ARHGAP24: variants seen among roughly 807,000 people sequenced by gnomAD.
ARHGAP24 encodes Rho GTPase activating protein 24.
A neutral mutation model predicts 76.4 loss-of-function variants in ARHGAP24; 50 were observed. The observed-to-expected ratio is 0.65, with a 90% CI of 0.52 to 0.83. The LOEUF is 0.83. Among genes scored for constraint, ARHGAP24 ranks in the 40% least tolerant of loss-of-function variants. ARHGAP24 has a pLI of 0.00. For missense variants in ARHGAP24, 930 were observed against 914.2 expected (o/e 1.02, Z -0.22); for synonymous variants, 345 against 323.3 (o/e 1.07, Z -0.72).
intron 1 of ARHGAP24, among the ~76,000 whole-genome samples, chr4:85,557,120 C>CT (rs1726410847): frequency 6.6e-6 from 1 of 152,186 alleles, no homozygotes; most frequent in Non-Finnish European, 1.5e-5. Context: ...GAGCTCTGTC[C>CT]CAGGGAATTG....
intron 2 of ARHGAP24, among the ~76,000 whole-genome samples, chr4:85,594,221 A>G (rs1048589886): frequency 1.3e-5 from 2 of 151,966 alleles, no homozygotes; most frequent in African/African-American, 4.8e-5. Context: ...TATTGTAAAT[A>G]GGCTTAATTT....
At position 85,995,259 on chromosome 4, in the gene ARHGAP24, C is replaced by T; in HGVS notation, c.1605C>T (p.Val535=). The change falls in exon 9 of 10, where the codon GTC becomes GTT. Residue 535 remains valine, a synonymous_variant. Coordinates refer to ENST00000395184, the MANE Select transcript of ARHGAP24 (RefSeq NM_001025616.3). ...ACAGACTGTCCACCTATGATAATGT[C>T]CATCAACAGTTCTCCATGATGAACC... is the stretch of plus-strand genomic sequence containing the variant. ...QHNRLSTYDN[V]HQQFSMMNLD... 6.2e-7 allele frequency: 1 copy of T among 1,614,024 alleles called. No homozygotes were observed. The highest frequency in any genetic ancestry group is 8.5e-7 in the Non-Finnish European group (1 of 1,180,032).
At chr4:85,830,915 C>T (rs1729962456) in intron 3 of ARHGAP24, among the ~76,000 whole-genome samples, 1 of 152,104 alleles carries the variant, frequency 6.6e-6, no homozygotes, top group Admixed American at 6.5e-5. Context: ...TTCTGCAAGT[C>T]TGCTCAAGAG....
intron 1 of ARHGAP24, among the ~76,000 whole-genome samples, chr4:85,494,145 TTTTC>T (rs1436782075): frequency 3.3e-5 from 5 of 152,160 alleles, no homozygotes; most frequent in Non-Finnish European, 7.4e-5. Flanking sequence ...TTCTATCATG[TTTTC>T]TTTTTTTTCT....
chr4:85,678,910 G>A (rs1430761379), intron 2 of ARHGAP24, among the ~76,000 whole-genome samples: 2 of 152,172 alleles, frequency 1.3e-5, no homozygotes, highest in Non-Finnish European at 2.9e-5. Flanking sequence ...TAGGGGCCAA[G>A]GGAAAATTTC....
At chr4:85,769,840 G>A (rs1727068008) in intron 3 of ARHGAP24, among the ~76,000 whole-genome samples, 1 of 151,968 alleles carries the variant, frequency 6.6e-6, no homozygotes, top group African/African-American at 2.4e-5. Context: ...GCCCACCTTG[G>A]CCTCCCAAAG....
chr4:85,500,632 A>T (rs576746932), intron 1 of ARHGAP24, among the ~76,000 whole-genome samples: 2 of 152,318 alleles, frequency 1.3e-5, no homozygotes, highest in South Asian at 4.1e-4. Flanking sequence ...ATATCACATG[A>T]TGCATTTAAA....
intron 3 of ARHGAP24, among the ~76,000 whole-genome samples, chr4:85,748,337 A>C (rs1242622522): frequency 6.6e-6 from 1 of 152,236 alleles, no homozygotes; most frequent in Admixed American, 6.5e-5. Context: ...TTTCTCATAC[A>C]TATGCCATGC....
chr4:85,665,960 A>C (rs1020981614), intron 2 of ARHGAP24, among the ~76,000 whole-genome samples: 13 of 151,628 alleles, frequency 8.6e-5, no homozygotes, highest in African/African-American at 3.2e-4. Context: ...TTTTTCCTTC[A>C]TTTCAACTTT....
At chr4:85,759,326 A>G (rs1482940189) in intron 3 of ARHGAP24, among the ~76,000 whole-genome samples, 1 of 152,216 alleles carries the variant, frequency 6.6e-6, no homozygotes, top group African/African-American at 2.4e-5. Context: ...CAGAAGAACC[A>G]GGAAAGACTT....
intron 2 of ARHGAP24, among the ~76,000 whole-genome samples, chr4:85,652,674 A>C (rs1012528468): frequency 6.6e-6 from 1 of 152,212 alleles, no homozygotes; most frequent in African/African-American, 2.4e-5. Context: ...CAATGATATA[A>C]TACAAGTAAA....
At chr4:85,523,245 A>G (rs1385531795) in intron 1 of ARHGAP24, among the ~76,000 whole-genome samples, 3 of 152,212 alleles carry the variant, frequency 2.0e-5, no homozygotes, top group Non-Finnish European at 4.4e-5. Context: ...CCATAACACT[A>G]AAATGAAAAG....
chr4:85,792,904 C>A (rs1728190647), intron 3 of ARHGAP24, among the ~76,000 whole-genome samples: 1 of 152,044 alleles, frequency 6.6e-6, no homozygotes, highest in Non-Finnish European at 1.5e-5. Context: ...TAATTAGGCT[C>A]AAAAATGTCA....
At chr4:85,816,518 A>G (rs1729245646) in intron 3 of ARHGAP24, among the ~76,000 whole-genome samples, 1 of 152,214 alleles carries the variant, frequency 6.6e-6, no homozygotes, top group South Asian at 2.1e-4. Flanking sequence ...ATATACAATA[A>G]AGAAAGTTTC....
rs72974964 is a variant in ARHGAP24 at position 85,717,440 on chromosome 4, C to T, written c.181-4445C>T. ...TATCATTAAATCTCCATCTGCTTTG[C>T]GCAAGAACCTACCCTGGCTCTCAGC... On this transcript the variant is annotated intron_variant, in intron 2 of 9. Coordinates refer to ENST00000395184, the MANE Select transcript of ARHGAP24 (RefSeq NM_001025616.3). Among the ~76,000 whole-genome samples the T allele has an allele frequency of 8.2e-3, 1,255 of 152,170 alleles. 16 individuals are homozygous for T. Among genetic ancestry groups the T allele is most frequent in the African/African-American group, 0.024 (1,003 of 41,530 alleles).
intron 2 of ARHGAP24, among the ~76,000 whole-genome samples, chr4:85,683,117 T>TGGGGGGGGG (rs201448168): frequency 3.5e-4 from 20 of 56,934 alleles, no homozygotes; most frequent in Non-Finnish European, 5.7e-4. Flanking sequence ...TGTGGGGGGG[T>TGGGGGGGGG]GGGGGGGGGG....
intron 1 of ARHGAP24, among the ~76,000 whole-genome samples, chr4:85,489,207 C>T (rs1031443546): frequency 3.9e-5 from 6 of 152,024 alleles, no homozygotes; most frequent in African/African-American, 7.2e-5. Context: ...AAAATAAAAA[C>T]GAAAAATAAC....
chr4:85,871,528 C>A (rs563468957), intron 3 of ARHGAP24, among the ~76,000 whole-genome samples: 14 of 152,246 alleles, frequency 9.2e-5, no homozygotes, highest in African/African-American at 3.4e-4. Context: ...TACACATATT[C>A]CACGAAACCT....
intron 1 of ARHGAP24, among the ~76,000 whole-genome samples, chr4:85,549,168 C>T (rs1726030389): frequency 7.7e-6 from 1 of 129,132 alleles, no homozygotes; most frequent in East Asian, 2.0e-4. Flanking sequence ...CTTGGTTGAA[C>T]GTCTGAATTG....
Sources: gnomAD v4.1 joint callset for allele counts (sites outside exome capture counted in the v4.1 genomes callset) on GRCh38, gnomAD v4.1.1 for gene constraint, MANE v1.5 for transcripts, NCBI Gene and HGNC (gene_info 2026-07-23, HGNC 2026-07-21) for gene names.